The following MX2 variants were observed in gnomAD, a reference collection of about 807,000 sequenced individuals.
MX2 encodes interferon-induced GTP-binding protein Mx2.
MX2 carries 51 observed loss-of-function variants against 74.0 expected under a neutral mutation model. That is an observed-to-expected ratio of 0.69 (90% CI 0.55 to 0.87). The LOEUF (loss-of-function observed/expected upper bound fraction) is 0.87, where lower values mean the gene tolerates loss of function less well. MX2 is among the 40% of genes least tolerant of loss of function. The pLI is 0.00. For synonymous variants in MX2, 369 were observed against 339.3 expected, an observed-to-expected ratio of 1.09 and a Z score of -0.96; for missense variants, 832 against 908.7, an observed-to-expected ratio of 0.92 and a Z score of 1.09.
At chr21:41,385,882 G>A (rs2089565327) in intron 5 of MX2, among the ~76,000 whole-genome samples, 1 of 152,006 alleles carries the variant, frequency 6.6e-6, no homozygotes, top group African/African-American at 2.4e-5. Context: ...GAAAAAGTTG[G>A]AAATAGCACA....
chr21:41,395,684 G>A lies in MX2; in HGVS notation c.969G>A (p.Met323Ile). Reference protein sequence around the residue: ...NLTYPLKKGYMIVKCRGQQEI... With the variant: ...NLTYPLKKGYIIVKCRGQQEI... ...CGTACCCCCTCAAGAAGGGCTACATGATTGTGAAGTGCCGGGGCCAGCAGG... is the reference window on the plus strand; with the variant it reads ...CGTACCCCCTCAAGAAGGGCTACATAATTGTGAAGTGCCGGGGCCAGCAGG... The change falls in exon 7 of 14, where the codon ATG becomes ATA. Residue 323 changes from methionine to isoleucine, a missense_variant. Met to Ile is a conservative substitution (Grantham distance 10, BLOSUM62 1). Transcript: ENST00000330714. 1 of 1,614,202 alleles carries A rather than the reference G, an allele frequency of 6.2e-7. No homozygotes were observed. The highest frequency in any genetic ancestry group is 8.5e-7 in the Non-Finnish European group (1 of 1,180,046).
chr21:41,406,013 C>T (rs1378767021), intron 12 of MX2, among the ~76,000 whole-genome samples: 3 of 151,216 alleles, frequency 2.0e-5, no homozygotes, highest in South Asian at 2.1e-4. Flanking sequence ...CTTTTTGAGA[C>T]GGAGTTTCGC....
chr21:41,377,210 G>A lies in MX2; in HGVS notation c.249+55G>A, dbSNP rs971041532. 6.9e-6 allele frequency: 11 copies of A among 1,599,124 alleles called. No individual in the cohort carries two copies. The African/African-American group carries it at 1.3e-4, about 19-fold the overall frequency. On this transcript the variant is annotated intron_variant, in intron 2 of 13. Coordinates refer to ENST00000330714, the MANE Select transcript of MX2 (RefSeq NM_002463.2). ...GGTGCATTCTGGCTGCCGGTGCAGA[G>A]GGCTGTCATGTAAGCCCACCACAAT...
chr21:41,390,433 G>A (rs1166096251), intron 5 of MX2, 132 bp from the exon 6 acceptor site: 1 of 1,347,512 alleles, frequency 7.4e-7, no homozygotes, highest in African/African-American at 1.4e-5. Context: ...ACGGGGCTCG[G>A]CCTAGCAAAG....
In MX2 at chr21:41,386,219, C is replaced by CAAAAAA. The variant is rs59005802; in HGVS notation, c.732+3680_732+3685dup. ...TGGGCAACAGAGTAATACTCCATCT[C>CAAAAAA]AAAAAAAAAAAAAAAAAAAAAAAAA... On this transcript the variant is annotated intron_variant, in intron 5 of 13. Coordinates refer to ENST00000330714, the MANE Select transcript of MX2 (RefSeq NM_002463.2). Among the ~76,000 whole-genome samples, 236 of 32,040 alleles carry CAAAAAA rather than the reference C, an allele frequency of 7.4e-3. 2 individuals carry two copies. The highest frequency in any genetic ancestry group is 0.029 in the Middle Eastern group (1 of 34). 21.0% of individuals were successfully genotyped at this position (32,040 alleles called of 152,430 possible). A position where few individuals can be genotyped will look rare whatever the true frequency, so the allele number is the denominator to read the frequency against.
rs149337123 is a variant in MX2, at chr21:41,394,300, A to G, written c.872-1287A>G. ...AGTTCCACCGCTCTCTGCCTTGCTC[A>G]TGACCCTCCAATACGGCTCTGCCAT... On this transcript the variant is annotated intron_variant, in intron 6 of 13. Coordinates refer to ENST00000330714, the MANE Select transcript of MX2 (RefSeq NM_002463.2). Among the ~76,000 whole-genome samples the G allele has an allele frequency of 1.8e-3, 270 of 152,104 alleles. 1 individual carries two copies. The highest frequency in any genetic ancestry group is 6.1e-3 in the African/African-American group (255 of 41,468).
chr21:41,406,690 G>C (rs1043399838), intron 12 of MX2, 54 bp from the exon 13 acceptor site: 40 of 1,562,204 alleles, frequency 2.6e-5, no homozygotes, highest in Non-Finnish European at 3.1e-5. Flanking sequence ...ATTTGTTTAA[G>C]CCAACAGGAA....
At chr21:41,399,508 T>TACGC in intron 10 of MX2, 171 bp downstream of exon 10, 1 of 620,982 alleles carries the variant, frequency 1.6e-6, no homozygotes, top group South Asian at 2.2e-5. Context: ...ATATGGGGCA[T>TACGC]CGACCTCAGC....
At chr21:41,387,476 A>G (rs1301718800) in intron 5 of MX2, among the ~76,000 whole-genome samples, 5 of 152,190 alleles carry the variant, frequency 3.3e-5, no homozygotes, top group African/African-American at 9.6e-5. Context: ...ACTGCAATTG[A>G]TCACTTTCTC....
intron 1 of MX2, chr21:41,370,493 G>A (rs2089310118): frequency 2.0e-5 from 3 of 152,260 alleles, no homozygotes; most frequent in Non-Finnish European, 2.9e-5. Flanking sequence ...AGCAAACGGC[G>A]ATGACCACTT....
rs1568953189 is a variant in MX2 at position 41,407,991 on chromosome 21, GA to G, written c.1909del (p.Thr637ProfsTer12). 10 of 1,614,082 alleles carry G rather than the reference GA, an allele frequency of 6.2e-6. No homozygotes were observed. The highest frequency in any genetic ancestry group is 8.5e-6 in the Non-Finnish European group (10 of 1,179,992). ...AAACCCTTCTTTCTCCCTCTTCCAG[GA>G]AACCAGCAAACGTCTCGCCAACCAG... ...IGIHLNAYFL[E>X]TSKRLANQIP... is the part of the protein sequence containing the mutation. On this transcript the variant is annotated frameshift_variant and splice_region_variant, in exon 14 of 14. Coordinates refer to ENST00000330714, the MANE Select transcript of MX2 (RefSeq NM_002463.2). LOFTEE classifies it low-confidence loss of function (END_TRUNC).
chr21:41,376,946 A>G lies in MX2; in HGVS notation c.40A>G (p.Ser14Gly). 1 of 1,614,078 alleles carries G rather than the reference A, an allele frequency of 6.2e-7. No homozygotes were observed. Among genetic ancestry groups the G allele is most frequent in the Non-Finnish European group, 8.5e-7 (1 of 1,180,042 alleles). Residue 14 changes from serine to glycine, a missense_variant, in exon 2 of 14, where the codon AGT becomes GGT. By Grantham distance (56) the Ser-to-Gly change is moderately conservative. Coordinates refer to ENST00000330714, the MANE Select transcript of MX2 (RefSeq NM_002463.2). The part of the protein sequence containing the change: ...AHKPWPYRRR[S>G]QFSSRKYLKK... Reference sequence around the variant, plus strand: ...CAAGCCTTGGCCCTACCGGAGGAGAAGTCAATTTTCTTCTCGAAAATACCT... The same window carrying G: ...CAAGCCTTGGCCCTACCGGAGGAGAGGTCAATTTTCTTCTCGAAAATACCT...
intron 1 of MX2, among the ~76,000 whole-genome samples, chr21:41,374,676 T>G (rs1162326630): frequency 6.6e-6 from 1 of 151,852 alleles, no homozygotes; most frequent in Non-Finnish European, 1.5e-5. Flanking sequence ...AGCCGGCAGG[T>G]GTCGCAGGTA....
chr21:41,405,264 GAA>G (rs796653059), intron 12 of MX2, among the ~76,000 whole-genome samples: 1 of 130,030 alleles, frequency 7.7e-6, no homozygotes, highest in Non-Finnish European at 1.7e-5. Context: ...ATCTCAAAAA[GAA>G]AAAAAAAAAA....
chr21:41,374,542 G>C (rs1426481782), intron 1 of MX2, among the ~76,000 whole-genome samples: 2 of 152,246 alleles, frequency 1.3e-5, no homozygotes, highest in Non-Finnish European at 2.9e-5. Context: ...CTTCTAACGA[G>C]CCACATGGAA....
At chr21:41,403,532 C>T (rs1427511626) in intron 12 of MX2, 189 bp downstream of exon 12, 1 of 752,022 alleles carries the variant, frequency 1.3e-6, no homozygotes, top group Admixed American at 1.8e-5. Flanking sequence ...GGCTTCTGCT[C>T]AGGAGGCGGC....
chr21:41,407,722 G>A (rs1480371112), intron 13 of MX2, among the ~76,000 whole-genome samples: 1 of 152,170 alleles, frequency 6.6e-6, no homozygotes, highest in Non-Finnish European at 1.5e-5. Context: ...CAGCAGGGAG[G>A]AGCTGTGGGG....
intron 5 of MX2, among the ~76,000 whole-genome samples, chr21:41,385,165 G>A (rs1286236250): frequency 6.6e-6 from 1 of 152,168 alleles, no homozygotes; most frequent in African/African-American, 2.4e-5. Context: ...TAGCTAACGG[G>A]TTGGCACAAG....
At chr21:41,377,282 C>T in intron 2 of MX2, 127 bp downstream of exon 2, 1 of 1,332,668 alleles carries the variant, frequency 7.5e-7, no homozygotes, top group Non-Finnish European at 1.0e-6. Context: ...ATGTCTCCAG[C>T]TCTCCTGGTC....
Sources: allele counts gnomAD v4.1 joint callset (sites outside exome capture counted in the v4.1 genomes callset), GRCh38; gene constraint gnomAD v4.1.1; transcripts MANE v1.5; gene names NCBI Gene and HGNC (gene_info 2026-07-23, HGNC 2026-07-21).